ACSS3: variants seen among roughly 807,000 people sequenced by gnomAD.
The protein encoded by ACSS3 is acyl-CoA synthetase short-chain family member 3, mitochondrial.
In ACSS3, 64 loss-of-function variants were observed where a neutral mutation model predicts 84.2. That is an observed-to-expected ratio of 0.76 (90% CI 0.62 to 0.94). The LOEUF is 0.94. ACSS3 is among the 40% of genes least tolerant of loss of function. The pLI is 0.00. For missense variants in ACSS3, 815 were observed against 867.6 expected (o/e 0.94, Z 0.76); for synonymous variants, 317 against 310.1 (o/e 1.02, Z -0.23).
At chr12:81,150,733 G>A (rs1886570418) in intron 5 of ACSS3, among the ~76,000 whole-genome samples, 1 of 152,204 alleles carries the variant, frequency 6.6e-6, no homozygotes, top group South Asian at 2.1e-4. Context: ...GGCACCTGAG[G>A]AGAGCAGCAA....
intron 9 of ACSS3, among the ~76,000 whole-genome samples, chr12:81,212,739 C>G (rs1009772621): frequency 6.6e-6 from 1 of 152,036 alleles, no homozygotes; most frequent in Non-Finnish European, 1.5e-5. Flanking sequence ...ACTTCAGAGT[C>G]AGAAATTTTA....
At chr12:81,089,638 A>G (rs1347765175) in intron 1 of ACSS3, among the ~76,000 whole-genome samples, 1 of 151,992 alleles carries the variant, frequency 6.6e-6, no homozygotes, top group African/African-American at 2.4e-5. Flanking sequence ...ACATGTGATT[A>G]TTCTCTAGCT....
intron 1 of ACSS3, among the ~76,000 whole-genome samples, chr12:81,088,985 G>C (rs2121315245): frequency 6.6e-6 from 1 of 152,020 alleles, no homozygotes; most frequent in South Asian, 2.1e-4. Context: ...CTTTAAATGA[G>C]TTGACAGCTT....
At chr12:81,181,559 A>G (rs2030923473) in intron 8 of ACSS3, among the ~76,000 whole-genome samples, 1 of 152,190 alleles carries the variant, frequency 6.6e-6, no homozygotes, top group South Asian at 2.1e-4. Flanking sequence ...ACAGAAATTT[A>G]TGAAGTTATT....
intron 13 of ACSS3, among the ~76,000 whole-genome samples, chr12:81,234,295 A>C (rs1367798577): frequency 2.6e-5 from 4 of 151,380 alleles, no homozygotes; most frequent in African/African-American, 9.7e-5. Flanking sequence ...GTATCCATTC[A>C]TGCATTAAAG....
intron 7 of ACSS3, 158 bp from the exon 8 acceptor site, chr12:81,174,630 T>G: frequency 1.4e-6 from 1 of 738,912 alleles, no homozygotes; most frequent in African/African-American, 1.8e-5. Context: ...GGGTATTTGG[T>G]TTGCTTTATT....
intron 7 of ACSS3, among the ~76,000 whole-genome samples, chr12:81,153,884 G>A (rs1886739626): frequency 6.6e-6 from 1 of 152,132 alleles, no homozygotes; most frequent in African/African-American, 2.4e-5. Context: ...TGAATGCTAA[G>A]AAATATTAAG....
At chr12:81,104,531 G>A (rs574247139) in intron 1 of ACSS3, among the ~76,000 whole-genome samples, 183 of 152,214 alleles carry the variant, frequency 1.2e-3, no homozygotes, top group African/African-American at 4.2e-3. Flanking sequence ...TTTATGTGGG[G>A]AGCTGAAACT....
intron 7 of ACSS3, among the ~76,000 whole-genome samples, chr12:81,164,415 C>T (rs909383902): frequency 1.3e-5 from 2 of 152,132 alleles, no homozygotes; most frequent in East Asian, 3.9e-4. Flanking sequence ...GTATTCTCAT[C>T]ATCAAGCAAC....
In ACSS3 at chr12:81,078,163, G is replaced by A. The variant is rs979928609; in HGVS notation, c.43G>A (p.Gly15Arg). Residue 15 changes from glycine to arginine, a missense_variant, in exon 1 of 16, where the codon GGG becomes AGG. Coordinates refer to ENST00000548058, the MANE Select transcript of ACSS3 (RefSeq NM_024560.4). Reference protein sequence around the residue: ...WLQCRKVTSAGGLGGPLPGSS... With the variant: ...WLQCRKVTSARGLGGPLPGSS... ...GCAGTGTCGTAAAGTCACCAGCGCCGGGGGGCTCGGAGGGCCCTTGCCTGG... is the reference window on the plus strand; with the variant it reads ...GCAGTGTCGTAAAGTCACCAGCGCCAGGGGGCTCGGAGGGCCCTTGCCTGG... The A allele has an allele frequency of 3.3e-6, 5 of 1,516,804 alleles. No homozygotes were observed. The highest frequency in any genetic ancestry group is 5.0e-5 in the Admixed American group (2 of 39,816). 94.0% of individuals were successfully genotyped at this position (1,516,804 alleles called of 1,614,324 possible).
chr12:81,144,713 GTCACTGAAAT>G (rs777899310), intron 5 of ACSS3, among the ~76,000 whole-genome samples: 96 of 152,100 alleles, frequency 6.3e-4, no homozygotes, highest in Non-Finnish European at 7.1e-4. Context: ...AAGACTTTAA[GTCACTGAAAT>G]TCACTGTGAC....
At chr12:81,150,315 C>T (rs930911365) in intron 5 of ACSS3, among the ~76,000 whole-genome samples, 1 of 152,128 alleles carries the variant, frequency 6.6e-6, no homozygotes, top group Non-Finnish European at 1.5e-5. Flanking sequence ...ACATGGACAG[C>T]ATATTGTCTA....
chr12:81,147,824 A>G (rs1886412502), intron 5 of ACSS3, among the ~76,000 whole-genome samples: 1 of 151,830 alleles, frequency 6.6e-6, no homozygotes, highest in African/African-American at 2.4e-5. Context: ...TTCAAATAAA[A>G]TTTATTTTCC....
At chr12:81,194,749 A>G (rs569468107) in intron 8 of ACSS3, among the ~76,000 whole-genome samples, 6 of 152,130 alleles carry the variant, frequency 3.9e-5, no homozygotes, top group South Asian at 2.1e-4. Context: ...TTTAAAATAT[A>G]TAATAGTGAA....
intron 1 of ACSS3, among the ~76,000 whole-genome samples, chr12:81,087,552 A>G (rs957092103): frequency 7.9e-5 from 12 of 152,000 alleles, no homozygotes; most frequent in African/African-American, 2.7e-4. Context: ...AAAATTAGTC[A>G]CTCCGTATTA....
intron 1 of ACSS3, among the ~76,000 whole-genome samples, chr12:81,081,040 A>G (rs1399885491): frequency 2.6e-5 from 4 of 152,194 alleles, no homozygotes; most frequent in Admixed American, 2.6e-4. Context: ...ATGTGTAGTC[A>G]CAGTCTCTGA....
chr12:81,146,310 A>G (rs1239242892), intron 5 of ACSS3, among the ~76,000 whole-genome samples: 1 of 152,192 alleles, frequency 6.6e-6, no homozygotes, highest in Non-Finnish European at 1.5e-5. Flanking sequence ...AGGTATAATC[A>G]GGATTAATAG....
intron 13 of ACSS3, among the ~76,000 whole-genome samples, chr12:81,242,540 G>T (rs1234852909): frequency 1.3e-5 from 2 of 150,858 alleles, no homozygotes; most frequent in East Asian, 1.9e-4. Context: ...CCAAAGCTGG[G>T]CAGAGACACA....
rs1344571511 is a variant in ACSS3 at position 81,117,676 on chromosome 12, G to C, written c.456+7972G>C. ...CAAGACTGTATCTAATTCCAAAGAT[G>C]ATGGGAAGCTCCATATTGTCAAAGA... On this transcript the variant is annotated intron_variant, in intron 2 of 15. Coordinates refer to ENST00000548058, the MANE Select transcript of ACSS3 (RefSeq NM_024560.4). Among the ~76,000 whole-genome samples, 4 of 152,176 alleles carry C rather than the reference G, an allele frequency of 2.6e-5. 1 individual carries two copies. The highest frequency in any genetic ancestry group is 2.6e-4 in the Admixed American group (4 of 15,266).
Sources: allele counts gnomAD v4.1 joint callset (sites outside exome capture counted in the v4.1 genomes callset), GRCh38; gene constraint gnomAD v4.1.1; transcripts MANE v1.5; gene names NCBI Gene and HGNC (gene_info 2026-07-23, HGNC 2026-07-21).